CHN2: variants seen among roughly 807,000 people sequenced by gnomAD.
CHN2 encodes beta-chimaerin.
Under a neutral mutation model 56.3 loss-of-function variants are expected in CHN2, and 35 were observed. The ratio of observed to expected loss-of-function variants is 0.62; its 90% CI spans 0.47 to 0.82. The LOEUF is 0.82. Among genes scored for constraint, CHN2 ranks in the 40% least tolerant of loss-of-function variants. The pLI, the probability that CHN2 is intolerant of heterozygous loss-of-function variation, is 0.00. For synonymous variants in CHN2, 210 were observed against 212.8 expected, an observed-to-expected ratio of 0.99 and a Z score of 0.12; for missense variants, 491 against 580.5, an observed-to-expected ratio of 0.85 and a Z score of 1.58.
intron 1 of CHN2, among the ~76,000 whole-genome samples, chr7:29,314,012 T>C (rs1049355363): frequency 1.3e-5 from 2 of 152,208 alleles, no homozygotes; most frequent in African/African-American, 4.8e-5. Flanking sequence ...CTAATGTTGA[T>C]ATTAGCATGG....
intron 6 of CHN2, among the ~76,000 whole-genome samples, chr7:29,406,857 A>G (rs567153811): frequency 2.0e-5 from 3 of 152,312 alleles, no homozygotes; most frequent in African/African-American, 7.2e-5. Context: ...AGTGGGAGGC[A>G]GAGGCTACTC....
At chr7:29,307,206 G>T (rs147732416) in intron 1 of CHN2, among the ~76,000 whole-genome samples, 1 of 152,292 alleles carries the variant, frequency 6.6e-6, no homozygotes, top group African/African-American at 2.4e-5. Flanking sequence ...TGAGGGGTCT[G>T]CAGCCTCTTT....
At chr7:29,330,451 G>C (rs2128903269) in intron 1 of CHN2, among the ~76,000 whole-genome samples, 1 of 152,306 alleles carries the variant, frequency 6.6e-6, no homozygotes, top group East Asian at 1.9e-4. Context: ...CCCCCGCTTA[G>C]ATGGTTTTTA....
rs143870590 is a variant in CHN2 at position 29,415,109 on chromosome 7, G to T, written c.576+14281G>T. 3.6e-3 allele frequency among the ~76,000 whole-genome samples: 543 copies of T among 152,284 alleles called. 3 individuals carry two copies. The highest frequency in any genetic ancestry group is 0.012 in the African/African-American group (513 of 41,554). ...GAGCCCCTAATCTGTGTGAAACACGGTGCTGCCAATTGCACTTACAACGAC... is the reference window on the plus strand; with the variant it reads ...GAGCCCCTAATCTGTGTGAAACACGTTGCTGCCAATTGCACTTACAACGAC... On this transcript the variant is annotated intron_variant, in intron 6 of 12. Transcript: ENST00000222792.
At chr7:29,414,923 TCC>T (rs147537128) in intron 6 of CHN2, among the ~76,000 whole-genome samples, 1 of 151,938 alleles carries the variant, frequency 6.6e-6, no homozygotes, top group Non-Finnish European at 1.5e-5. Flanking sequence ...CCTGCAGTCT[TCC>T]CTGACCTACA....
chr7:29,278,297 C>T (rs1289040764), intron 1 of CHN2, among the ~76,000 whole-genome samples: 1 of 152,154 alleles, frequency 6.6e-6, no homozygotes, highest in Admixed American at 6.5e-5. Flanking sequence ...GTTTCGCCAA[C>T]TTTTTCTGTA....
At chr7:29,361,370 G>A (rs1798717630) in intron 2 of CHN2, among the ~76,000 whole-genome samples, 1 of 152,240 alleles carries the variant, frequency 6.6e-6, no homozygotes, top group Non-Finnish European at 1.5e-5. Flanking sequence ...GTAATTGATT[G>A]TCATCTCATT....
intron 1 of CHN2, among the ~76,000 whole-genome samples, chr7:29,237,921 T>TGC (rs373662686): frequency 2.0e-3 from 309 of 152,070 alleles, no homozygotes; most frequent in African/African-American, 7.2e-3. Flanking sequence ...TCTTTCCTGC[T>TGC]GCACGGCACA....
chr7:29,246,171 G>A (rs1788060061), intron 1 of CHN2, among the ~76,000 whole-genome samples: 1 of 152,136 alleles, frequency 6.6e-6, no homozygotes, highest in African/African-American at 2.4e-5. Flanking sequence ...TCTAAAAGAG[G>A]CTGTGGCAAC....
intron 2 of CHN2, among the ~76,000 whole-genome samples, chr7:29,355,375 A>G (rs1236268695): frequency 6.6e-6 from 1 of 152,174 alleles, no homozygotes; most frequent in East Asian, 1.9e-4. Context: ...ATCATATGAC[A>G]TCAATGCTGA....
intron 1 of CHN2, among the ~76,000 whole-genome samples, chr7:29,307,063 T>C (rs1366909892): frequency 6.6e-6 from 1 of 152,224 alleles, no homozygotes; most frequent in East Asian, 1.9e-4. Context: ...GAGATGTGCC[T>C]GGATATATCC....
At chr7:29,333,920 G>T (rs919614088) in intron 1 of CHN2, among the ~76,000 whole-genome samples, 1 of 152,148 alleles carries the variant, frequency 6.6e-6, no homozygotes, top group Admixed American at 6.5e-5. Context: ...AGTGCTGTGT[G>T]CATGGAGTCC....
intron 6 of CHN2, among the ~76,000 whole-genome samples, chr7:29,414,786 C>T (rs1284603981): frequency 6.6e-6 from 1 of 152,192 alleles, no homozygotes; most frequent in East Asian, 1.9e-4. Flanking sequence ...CAGTGTAATG[C>T]CTCTCAGCCT....
At position 29,398,493 on chromosome 7, in the gene CHN2, C is replaced by T. The variant is rs12112301; in HGVS notation, c.290+7C>T. On this transcript the variant is annotated splice_region_variant and intron_variant, in intron 5 of 12. Transcript: ENST00000222792. ...GCTACACGCTGGCTCTCAGGTGAGG[C>T]GCATTTCATTCCTTGTTTTCATTGC... is the stretch of plus-strand genomic sequence containing the variant. 137,180 of 1,572,172 alleles carry T rather than the reference C, an allele frequency of 0.087. 6,458 individuals carry two copies. The highest frequency in any genetic ancestry group is 0.16 in the East Asian group (6,931 of 44,688).
intron 1 of CHN2, among the ~76,000 whole-genome samples, chr7:29,218,683 C>G (rs2128789225): frequency 6.6e-6 from 1 of 151,824 alleles, no homozygotes; most frequent in East Asian, 1.9e-4. Flanking sequence ...AACCATCATT[C>G]TCAGCAAACT....
At chr7:29,416,168 G>A (rs184699682) in intron 6 of CHN2, among the ~76,000 whole-genome samples, 26 of 152,274 alleles carry the variant, frequency 1.7e-4, no homozygotes, top group East Asian at 1.5e-3. Context: ...ATGAATTAGC[G>A]TGTTTGCATT....
chr7:29,430,215 G>A (rs1022098288), intron 6 of CHN2, among the ~76,000 whole-genome samples: 2 of 152,176 alleles, frequency 1.3e-5, no homozygotes, highest in Non-Finnish European at 2.9e-5. Context: ...GGATGCGTTG[G>A]AGCTGATGGT....
At chr7:29,431,035 G>A (rs1415936735) in intron 6 of CHN2, among the ~76,000 whole-genome samples, 2 of 152,164 alleles carry the variant, frequency 1.3e-5, no homozygotes, top group African/African-American at 4.8e-5. Context: ...GTAAGAAAGA[G>A]AGAGTAACTG....
At chr7:29,432,853 TG>T (rs1782949001) in intron 6 of CHN2, among the ~76,000 whole-genome samples, 1 of 152,224 alleles carries the variant, frequency 6.6e-6, no homozygotes, top group Admixed American at 6.5e-5. Flanking sequence ...TGTTTTTCTC[TG>T]GAGCTATAAT....
Sources: gnomAD v4.1 joint callset for allele counts (sites outside exome capture counted in the v4.1 genomes callset) on GRCh38, gnomAD v4.1.1 for gene constraint, MANE v1.5 for transcripts, NCBI Gene and HGNC (gene_info 2026-07-23, HGNC 2026-07-21) for gene names.